PARN: variants seen among roughly 807,000 people sequenced by gnomAD.
PARN encodes the protein poly(A)-specific ribonuclease.
A neutral mutation model predicts 102.8 loss-of-function variants in PARN; 71 were observed. That is an observed-to-expected ratio of 0.69 (90% confidence interval 0.57 to 0.84). The LOEUF (loss-of-function observed/expected upper bound fraction) is 0.84. Among genes scored for constraint, PARN ranks in the 40% least tolerant of loss-of-function variants. The pLI is 0.00. For synonymous variants in PARN, 261 were observed against 252.9 expected, an observed-to-expected ratio of 1.03 and a Z score of -0.30; for missense variants, 782 against 760.9, an observed-to-expected ratio of 1.03 and a Z score of -0.33.
chr16:14,586,137 C>A (rs534223448), intron 14 of PARN, among the ~76,000 whole-genome samples, 181 bp downstream of exon 14: 1 of 152,048 alleles, frequency 6.6e-6, no homozygotes, highest in Admixed American at 6.6e-5. Flanking sequence ...CCACCACACC[C>A]AGCTAATTTT....
chr16:14,555,110 A>G (rs757056029), intron 19 of PARN, among the ~76,000 whole-genome samples: 15 of 152,212 alleles, frequency 9.9e-5, no homozygotes, highest in Admixed American at 2.0e-4. Context: ...TATTGTCACC[A>G]AGTATAGTTC....
At chr16:14,478,746 A>G (rs981365265) in intron 22 of PARN, among the ~76,000 whole-genome samples, 2 of 152,260 alleles carry the variant, frequency 1.3e-5, no homozygotes, top group Admixed American at 6.5e-5. Context: ...GAATTTAAAA[A>G]GGTTGCAAAA....
intron 18 of PARN, among the ~76,000 whole-genome samples, chr16:14,559,072 T>G (rs1044725378): frequency 6.6e-5 from 10 of 152,026 alleles, no homozygotes; most frequent in African/African-American, 2.4e-4. Flanking sequence ...AATTTGCAAT[T>G]CTTGTATTTC....
At chr16:14,628,283 A>G (rs1351582302) in intron 2 of PARN, 32 bp from the exon 3 acceptor site, 2 of 1,152,736 alleles carry the variant, frequency 1.7e-6, no homozygotes, top group Non-Finnish European at 2.6e-6. Context: ...TTTTTAGCTT[A>G]CTAATAAATA....
chr16:14,611,311 GGAGA>G (rs1280376865), intron 6 of PARN, among the ~76,000 whole-genome samples: 2 of 152,354 alleles, frequency 1.3e-5, no homozygotes, highest in Non-Finnish European at 2.9e-5. Context: ...GCATCACATT[GGAGA>G]GAGTATGGAG....
At chr16:14,619,524 G>C (rs1473476182) in intron 5 of PARN, among the ~76,000 whole-genome samples, 1 of 152,090 alleles carries the variant, frequency 6.6e-6, no homozygotes, top group Non-Finnish European at 1.5e-5. Context: ...CAGCACTTTA[G>C]GAGATGGTGG....
chr16:14,502,105 T>C (rs1425921369), intron 21 of PARN, among the ~76,000 whole-genome samples: 1 of 152,246 alleles, frequency 6.6e-6, no homozygotes, highest in African/African-American at 2.4e-5. Context: ...GAAGGCCACA[T>C]GCCTCTCTGG....
chr16:14,530,071 C>T lies in PARN; in HGVS notation c.1480+21950G>A, dbSNP rs142247968. Among the ~76,000 whole-genome samples the T allele has an allele frequency of 1.2e-3, 186 of 152,304 alleles. 2 individuals carry two copies. Among genetic ancestry groups the T allele is most frequent in the Middle Eastern group, 3.4e-3 (1 of 294 alleles). ...TCAAATGGCCCTTGGGTGTCAGACT[C>T]TTCCTGATTCTGCTCATCAGGTAAG... On this transcript the variant is annotated intron_variant, in intron 21 of 23. Coordinates refer to ENST00000437198, the MANE Select transcript of PARN (RefSeq NM_002582.4).
intron 22 of PARN, among the ~76,000 whole-genome samples, chr16:14,480,922 G>A (rs537466074): frequency 6.6e-6 from 1 of 151,286 alleles, no homozygotes; most frequent in Non-Finnish European, 1.5e-5. Context: ...CTGGGAAAAA[G>A]AGCAAGACCT....
chr16:14,615,583 G>C (rs544819170), intron 6 of PARN, among the ~76,000 whole-genome samples: 1 of 152,138 alleles, frequency 6.6e-6, no homozygotes, highest in South Asian at 2.1e-4. Context: ...TAAAAATTAA[G>C]ATGCAGCATC....
chr16:14,532,636 C>A (rs1966406325), intron 21 of PARN, among the ~76,000 whole-genome samples: 1 of 152,070 alleles, frequency 6.6e-6, no homozygotes, highest in Non-Finnish European at 1.5e-5. Context: ...TTCTACTCCA[C>A]AAAACCGCCA....
chr16:14,463,848 GGGAC>G lies in PARN; in HGVS notation c.1671-16771_1671-16768del, dbSNP rs1238159065. Among the ~76,000 whole-genome samples, 53 of 139,436 alleles carry G rather than the reference GGGAC, an allele frequency of 3.8e-4. 1 individual carries two copies. The highest frequency in any genetic ancestry group is 6.7e-4 in the Non-Finnish European group (43 of 63,730). The allele number at this position is 139,436 out of a possible 152,430, so 91.5% of individuals were successfully genotyped here. ...CCAAACTTTTTTTTTTGGGGGGGGG[GGGAC>G]GACAAGGTCTCACTCTGTCACCCAG... On this transcript the variant is annotated intron_variant, in intron 22 of 23. Coordinates refer to ENST00000437198, the MANE Select transcript of PARN (RefSeq NM_002582.4).
intron 5 of PARN, among the ~76,000 whole-genome samples, chr16:14,619,440 AAAAATAATAATAATAAAATTATTTT>A (rs1267926899): frequency 1.3e-5 from 2 of 151,616 alleles, no homozygotes; most frequent in Non-Finnish European, 2.9e-5. Flanking sequence ...CATTTCAATT[AAAAATAATAATAATAAAATTATTTT>A]AAAATAAGTA....
chr16:14,480,779 A>G (rs930448360), intron 22 of PARN, among the ~76,000 whole-genome samples: 2 of 152,114 alleles, frequency 1.3e-5, no homozygotes, highest in Non-Finnish European at 2.9e-5. Flanking sequence ...CGTCTCTACT[A>G]AAAATACAAA....
At chr16:14,588,843 C>T (rs1164478996) in intron 13 of PARN, among the ~76,000 whole-genome samples, 1 of 152,112 alleles carries the variant, frequency 6.6e-6, no homozygotes, top group Non-Finnish European at 1.5e-5. Context: ...AATCACACCA[C>T]TGCACTCCAG....
chr16:14,513,697 A>G (rs1367347769), intron 21 of PARN, among the ~76,000 whole-genome samples: 1 of 152,124 alleles, frequency 6.6e-6, no homozygotes, highest in Non-Finnish European at 1.5e-5. Context: ...CTGAGCCTTT[A>G]GAAAAGGCGC....
intron 22 of PARN, among the ~76,000 whole-genome samples, chr16:14,473,496 G>T (rs1962865696): frequency 6.6e-6 from 1 of 152,092 alleles, no homozygotes; most frequent in Admixed American, 6.6e-5. Context: ...AATATAATTT[G>T]GTTAAGATAA....
chr16:14,457,542 G>A (rs1247242228), intron 22 of PARN, among the ~76,000 whole-genome samples: 1 of 152,072 alleles, frequency 6.6e-6, no homozygotes, highest in East Asian at 1.9e-4. Context: ...GCTCACACCT[G>A]TAATCCCTGC....
rs558762208 is a variant in PARN, at chr16:14,623,575, G to A, written c.327+3531C>T. On this transcript the variant is annotated intron_variant, in intron 5 of 23. Transcript: ENST00000437198. Reference sequence around the variant, plus strand: ...CATCTGGCCAGGCGCGATGGCTCACGTCTATAATCCCAGCACACTGGAAGG... The same window carrying A: ...CATCTGGCCAGGCGCGATGGCTCACATCTATAATCCCAGCACACTGGAAGG... Among the ~76,000 whole-genome samples, 271 of 151,568 alleles carry A rather than the reference G, an allele frequency of 1.8e-3. 4 individuals are homozygous for A. The highest frequency in any genetic ancestry group is 4.7e-3 in the Admixed American group (71 of 15,196).
Sources: allele counts gnomAD v4.1 joint callset (sites outside exome capture counted in the v4.1 genomes callset), GRCh38; gene constraint gnomAD v4.1.1; transcripts MANE v1.5; gene names NCBI Gene and HGNC (gene_info 2026-07-23, HGNC 2026-07-21).